Variants in C3orf38 observed in about 807,000 individuals in gnomAD.
C3orf38 encodes the protein uncharacterized protein C3orf38.
In C3orf38, 18 loss-of-function variants were observed where a neutral mutation model predicts 28.3. That is an observed-to-expected ratio of 0.64 (90% confidence interval 0.44 to 0.94). The LOEUF (loss-of-function observed/expected upper bound fraction) is 0.94. Ranked by LOEUF, C3orf38 falls within the 40% of genes least tolerant of loss-of-function variation. The pLI, the probability that C3orf38 is intolerant of heterozygous loss-of-function variation, is 0.00. For synonymous variants in C3orf38, 145 were observed against 138.1 expected (o/e 1.05, Z -0.35); for missense variants, 364 against 396.4 (o/e 0.92, Z 0.69).
In C3orf38 at chr3:88,153,303, A is replaced by T. The variant is rs1707440598; in HGVS notation, c.207A>T (p.Glu69Asp). Residue 69 changes from glutamate (E) to aspartate (D), a missense_variant, in exon 2 of 3, where the codon GAA becomes GAT. Coordinates refer to ENST00000318887, the MANE Select transcript of C3orf38 (RefSeq NM_173824.4). The stretch of plus-strand genomic sequence containing the variant: ...TGAGGCGTAGAAAAGTCCACCGAGA[A>T]GTTATATTTAAGTACTTGGCAACAC... ...ELLRRRKVHR[E>D]VIFKYLATQG... 1 of 1,613,958 alleles carries T rather than the reference A, an allele frequency of 6.2e-7. No homozygotes were observed. The highest frequency in any genetic ancestry group is 8.5e-7 in the Non-Finnish European group (1 of 1,180,002).
At position 88,153,362 on chromosome 3, in the gene C3orf38, A is replaced by C. The variant is rs146391714; in HGVS notation, c.266A>C (p.His89Pro). 5.4e-4 allele frequency: 868 copies of C among 1,614,186 alleles called. 7 individuals are homozygous for C. The highest frequency in any genetic ancestry group is 4.2e-3 in the South Asian group (379 of 91,080). Residue 89 changes from histidine (H) to proline (P), a missense_variant, in exon 2 of 3, where the codon CAC (histidine) becomes CCC (proline). Physicochemically the swap from His to Pro is moderately conservative, Grantham distance 77. Transcript: ENST00000318887. ...GTTATACCTCCAGCTACTGAAAAAC[A>C]CAATCTTATTCAGCATGCAAAAGAT... The part of the protein sequence containing the change: ...GIVIPPATEK[H>P]NLIQHAKDYW...
chr3:88,154,458 C>T (rs1707454613), intron 2 of C3orf38, among the ~76,000 whole-genome samples: 1 of 151,656 alleles, frequency 6.6e-6, no homozygotes, highest in Admixed American at 6.6e-5. Flanking sequence ...TATATTATCT[C>T]CACTGTACAT....
rs531493812 is a variant in C3orf38 at position 88,156,786 on chromosome 3, A to C, written c.*151A>C. The C allele has an allele frequency of 1.2e-6, 1 of 823,636 alleles. No individual in the cohort carries two copies. Among genetic ancestry groups the C allele is most frequent in the Non-Finnish European group, 1.8e-6 (1 of 544,514 alleles). 51.0% of individuals were successfully genotyped at this position (823,636 alleles called of 1,614,324 possible). On this transcript the variant is annotated 3_prime_UTR_variant, in exon 3 of 3. Coordinates refer to ENST00000318887, the MANE Select transcript of C3orf38 (RefSeq NM_173824.4). ...ATGTCTGAATGATTTCAGATGTGAA[A>C]ATTGACATATTTTAGTTGAAATACC...
At chr3:88,154,326 T>C (rs922210552) in intron 2 of C3orf38, among the ~76,000 whole-genome samples, 4 of 152,122 alleles carry the variant, frequency 2.6e-5, no homozygotes, top group Admixed American at 6.6e-5. Context: ...GCGTTAGCTA[T>C]TTTTCTTGAT....
intron 1 of C3orf38, among the ~76,000 whole-genome samples, chr3:88,152,595 TA>T (rs1236360548): frequency 5.9e-5 from 9 of 151,518 alleles, no homozygotes; most frequent in Admixed American, 1.3e-4. Context: ...ACCCTGTCTG[TA>T]CTAAAAAAAT....
At chr3:88,155,828 G>A (rs1234040516) in intron 2 of C3orf38, among the ~76,000 whole-genome samples, 193 bp from the exon 3 acceptor site, 1 of 151,920 alleles carries the variant, frequency 6.6e-6, no homozygotes, top group East Asian at 1.9e-4. Flanking sequence ...AATTTAAGCT[G>A]GAAATTTCTA....
rs915303041 is a variant in C3orf38, at chr3:88,153,571, G to T, written c.375+100G>T. 4.8e-5 allele frequency: 67 copies of T among 1,382,942 alleles called. 1 individual carries two copies. Among genetic ancestry groups the T allele is most frequent in the Middle Eastern group, 2.3e-4 (1 of 4,368 alleles). The allele number at this position is 1,382,942 out of a possible 1,614,324, so 85.7% of individuals were successfully genotyped here. A position where few individuals can be genotyped will look rare whatever the true frequency, so the allele number is the denominator to read the frequency against. ...GAACATGGTTAATAATGTTTGTGGG[G>T]TTTTTTTATTTTTATTTTTTAAGAG... On this transcript the variant is annotated intron_variant, in intron 2 of 2. Coordinates refer to ENST00000318887, the MANE Select transcript of C3orf38 (RefSeq NM_173824.4).
chr3:88,150,310 C>T, intron 1 of C3orf38, 125 bp downstream of exon 1: 1 of 1,125,886 alleles, frequency 8.9e-7, no homozygotes, highest in Non-Finnish European at 1.2e-6. Flanking sequence ...AACCACTACG[C>T]CGACTTGGGC....
chr3:88,156,304 A>G lies in C3orf38; in HGVS notation c.659A>G (p.His220Arg), dbSNP rs60228186. 5.7e-4 allele frequency: 928 copies of G among 1,614,240 alleles called. 5 individuals carry two copies. In the African/African-American group the frequency reaches 0.011, roughly 20 times the overall value. The part of the protein sequence containing the change: ...FLFLSPNLDS[H>R]GLKCASSPHG... ...TTTCTCAGCCCCAACCTAGATTCAC[A>G]TGGACTGAAATGTGCATCTTCTCCT... The change falls in exon 3 of 3, where the codon CAT becomes CGT. Residue 220 changes from histidine to arginine, a missense_variant. By Grantham distance (29) the His-to-Arg change is conservative. Transcript: ENST00000318887.
At chr3:88,155,275 T>G (rs1707464028) in intron 2 of C3orf38, among the ~76,000 whole-genome samples, 1 of 152,158 alleles carries the variant, frequency 6.6e-6, no homozygotes, top group Admixed American at 6.5e-5. Flanking sequence ...ATGAAAATGC[T>G]TGCTTATATT....
intron 2 of C3orf38, 89 bp downstream of exon 2, chr3:88,153,560 A>T: frequency 7.0e-7 from 1 of 1,435,304 alleles, no homozygotes; most frequent in African/African-American, 1.4e-5. Context: ...ATGGTTAATA[A>T]TGTTTGTGGG....
In C3orf38 at chr3:88,153,382, A is replaced by C; in HGVS notation, c.286A>C (p.Lys96Gln). ...TEKHNLIQHA[K>Q]DYWQKQPQLK... ...AAAACACAATCTTATTCAGCATGCA[A>C]AAGATTACTGGCAAAAGCAACCACA... The change falls in exon 2 of 3, where the codon AAA becomes CAA. Residue 96 changes from lysine to glutamine, a missense_variant. Transcript: ENST00000318887. 1 of 1,614,126 alleles carries C rather than the reference A, an allele frequency of 6.2e-7. No homozygotes were observed. The highest frequency in any genetic ancestry group is 8.5e-7 in the Non-Finnish European group (1 of 1,180,018).
chr3:88,156,977 T>G lies in C3orf38; in HGVS notation c.*342T>G. On this transcript the variant is annotated 3_prime_UTR_variant, in exon 3 of 3. Coordinates refer to ENST00000318887, the MANE Select transcript of C3orf38 (RefSeq NM_173824.4). ...TTTTCCTTTTACTTAGTGAATATTC[T>G]GCTAATATCTGCACTTTTCATGTGG... 5.0e-6 allele frequency: 1 copy of G among 200,536 alleles called. No individual in the cohort carries two copies. Among genetic ancestry groups the G allele is most frequent in the Non-Finnish European group, 1.0e-5 (1 of 98,554 alleles). The allele number at this position is 200,536 out of a possible 1,614,324, so 12.4% of individuals were successfully genotyped here. A position where few individuals can be genotyped will look rare whatever the true frequency, so the allele number is the denominator to read the frequency against.
intron 2 of C3orf38, among the ~76,000 whole-genome samples, chr3:88,155,060 A>G (rs1707460902): frequency 6.6e-6 from 1 of 152,046 alleles, no homozygotes; most frequent in Admixed American, 6.6e-5. Flanking sequence ...GGGTTTCACC[A>G]TGTTGTCAAG....
intron 2 of C3orf38, 96 bp downstream of exon 2, chr3:88,153,567 T>C: frequency 7.1e-7 from 1 of 1,401,518 alleles, no homozygotes; most frequent in South Asian, 1.4e-5. Context: ...ATAATGTTTG[T>C]GGGGTTTTTT....
intron 1 of C3orf38, 66 bp from the exon 2 acceptor site, chr3:88,153,164 T>C (rs1235083608): frequency 1.4e-6 from 2 of 1,473,428 alleles, no homozygotes; most frequent in Non-Finnish European, 9.2e-7. Context: ...ATAGAGTTTC[T>C]GCCCACCTGG....
intron 2 of C3orf38, among the ~76,000 whole-genome samples, chr3:88,155,325 G>A (rs1035889269): frequency 5.3e-5 from 8 of 151,830 alleles, no homozygotes; most frequent in Non-Finnish European, 1.0e-4. Context: ...TCCATTTAAA[G>A]TGAACGTTTT....
chr3:88,153,626 C>A (rs1323745306), intron 2 of C3orf38, among the ~76,000 whole-genome samples, 155 bp downstream of exon 2: 1 of 151,950 alleles, frequency 6.6e-6, no homozygotes, highest in East Asian at 1.9e-4. Context: ...GGCTGGAGTG[C>A]AGTGGTGTAA....
At chr3:88,154,517 T>G (rs760770054) in intron 2 of C3orf38, among the ~76,000 whole-genome samples, 3 of 152,220 alleles carry the variant, frequency 2.0e-5, no homozygotes, top group Non-Finnish European at 4.4e-5. Context: ...AACCTCTATG[T>G]AATTTGCAGA....
Sources: gnomAD v4.1 joint callset for allele counts (sites outside exome capture counted in the v4.1 genomes callset) on GRCh38, gnomAD v4.1.1 for gene constraint, MANE v1.5 for transcripts, NCBI Gene and HGNC (gene_info 2026-07-23, HGNC 2026-07-21) for gene names.